Variants in PRELID2 observed in about 807,000 individuals in gnomAD.
The protein encoded by PRELID2 is PRELI domain containing 2.
In PRELID2, 25 loss-of-function variants were observed where a neutral mutation model predicts 28.4. The ratio of observed to expected loss-of-function variants is 0.88; its 90% CI spans 0.64 to 1.23. The LOEUF (loss-of-function observed/expected upper bound fraction) is 1.23. Ranked by LOEUF, PRELID2 falls within the 50% of genes most tolerant of loss-of-function variation. PRELID2 has a pLI of 0.00. For missense variants in PRELID2, 201 were observed against 214.4 expected, an observed-to-expected ratio of 0.94 and a Z score of 0.39; for synonymous variants, 76 against 71.6, an observed-to-expected ratio of 1.06 and a Z score of -0.31.
intron 4 of PRELID2, among the ~76,000 whole-genome samples, chr5:145,817,202 A>AT (rs1561643627): frequency 5.3e-4 from 27 of 51,386 alleles, no homozygotes; most frequent in Non-Finnish European, 1.1e-3. Flanking sequence ...AAAAAAAATA[A>AT]ATAAATAAAT....
At chr5:145,473,504 G>C (rs1314849792) in intron 1 of PRELID2, among the ~76,000 whole-genome samples, 2 of 152,142 alleles carry the variant, frequency 1.3e-5, no homozygotes, top group Middle Eastern at 3.2e-3. Flanking sequence ...TCACAGATGT[G>C]TAGAGTGAAT....
At chr5:145,311,668 ATT>A in the PRELID2 span, among the ~76,000 whole-genome samples, 1 of 152,160 alleles carries the variant, frequency 6.6e-6, no homozygotes, top group Non-Finnish European at 1.5e-5. Context: ...ACAGTACTAT[ATT>A]TAAAGTTAAA....
At chr5:145,819,815 C>A in intron 3 of PRELID2, 130 bp downstream of exon 3, 1 of 700,436 alleles carries the variant, frequency 1.4e-6, no homozygotes, top group South Asian at 1.7e-5. Context: ...CTTTCTTCCT[C>A]AGAAGGTTCT....
At chr5:145,590,882 A>G (rs982866830) in intron 1 of PRELID2, among the ~76,000 whole-genome samples, 4 of 152,216 alleles carry the variant, frequency 2.6e-5, no homozygotes, top group Non-Finnish European at 1.5e-5. Flanking sequence ...GACACTGTCT[A>G]GACTCATGGG....
chr5:145,796,062 A>T (rs1010276594), intron 5 of PRELID2: 14 of 155,564 alleles, frequency 9.0e-5, no homozygotes, highest in African/African-American at 3.4e-4. Flanking sequence ...AGTTAATAAT[A>T]CAAATTCTTT....
the PRELID2 span, among the ~76,000 whole-genome samples, chr5:145,453,207 G>T: frequency 1.3e-5 from 2 of 151,994 alleles, no homozygotes; most frequent in Non-Finnish European, 2.9e-5. Flanking sequence ...CTTATATTTT[G>T]CCACATAAAA....
At chr5:145,508,794 C>T (rs1353480481) in intron 1 of PRELID2, among the ~76,000 whole-genome samples, 2 of 152,220 alleles carry the variant, frequency 1.3e-5, no homozygotes. Flanking sequence ...TGCAGGAAGT[C>T]GCTGGCTTGA....
chr5:145,743,052 T>G (rs1756879400), intron 1 of PRELID2, among the ~76,000 whole-genome samples: 1 of 151,862 alleles, frequency 6.6e-6, no homozygotes, highest in African/African-American at 2.4e-5. Context: ...TTTCAAGTAT[T>G]AAGAAAATTA....
chr5:145,538,586 T>C (rs56989082), intron 1 of PRELID2, among the ~76,000 whole-genome samples: 1,556 of 152,102 alleles, frequency 0.01, 30 homozygotes, highest in African/African-American at 0.035. Context: ...ATTCTGCTAC[T>C]AAAATATCTA....
At chr5:145,554,796 G>A (rs1030792780) in intron 1 of PRELID2, among the ~76,000 whole-genome samples, 1 of 152,190 alleles carries the variant, frequency 6.6e-6, no homozygotes, top group East Asian at 1.9e-4. Context: ...CTCAGGACAA[G>A]TAGCAGTGAT....
chr5:145,231,558 A>C, the PRELID2 span, among the ~76,000 whole-genome samples: 4 of 152,224 alleles, frequency 2.6e-5, no homozygotes, highest in Non-Finnish European at 4.4e-5. Context: ...TAAATAAATA[A>C]TAGGATTAAA....
intron 1 of PRELID2, among the ~76,000 whole-genome samples, chr5:145,562,235 T>C (rs967990540): frequency 2.0e-5 from 3 of 152,340 alleles, no homozygotes; most frequent in African/African-American, 7.2e-5. Context: ...GAAATATACA[T>C]TGGGCTTTCA....
chr5:145,308,217 A>G, the PRELID2 span, among the ~76,000 whole-genome samples: 1 of 152,198 alleles, frequency 6.6e-6, no homozygotes, highest in Non-Finnish European at 1.5e-5. Context: ...AATGCCCAGC[A>G]GTCCCAGGAT....
the PRELID2 span, among the ~76,000 whole-genome samples, chr5:145,430,439 C>A: frequency 1.3e-5 from 2 of 152,118 alleles, no homozygotes; most frequent in Non-Finnish European, 2.9e-5. Context: ...CTGAGGCAAG[C>A]GGCACCTTCA....
chr5:145,237,157 C>A, the PRELID2 span, among the ~76,000 whole-genome samples: 2 of 152,140 alleles, frequency 1.3e-5, no homozygotes, highest in East Asian at 3.9e-4. Flanking sequence ...TCCTGCCATG[C>A]AGCAATGAGG....
chr5:145,416,393 C>T, the PRELID2 span, among the ~76,000 whole-genome samples: 70 of 151,992 alleles, frequency 4.6e-4, no homozygotes, highest in Non-Finnish European at 7.7e-4. Context: ...AAAGCAATGG[C>T]AACAAAAGAC....
intron 1 of PRELID2, among the ~76,000 whole-genome samples, chr5:145,702,456 T>C (rs1487467381): frequency 6.6e-6 from 1 of 152,220 alleles, no homozygotes; most frequent in Non-Finnish European, 1.5e-5. Context: ...GGATCCCTCC[T>C]TGGGGAAATC....
chr5:145,408,163 T>C, the PRELID2 span, among the ~76,000 whole-genome samples: 178 of 152,028 alleles, frequency 1.2e-3, no homozygotes, highest in African/African-American at 4.0e-3. Context: ...GCCCTTGAGG[T>C]TTAGATCTTT....
At chr5:145,584,736 C>T (rs1039821316) in intron 1 of PRELID2, among the ~76,000 whole-genome samples, 2 of 152,092 alleles carry the variant, frequency 1.3e-5, no homozygotes, top group Non-Finnish European at 2.9e-5. Context: ...CAATGAGATA[C>T]CATCTCCCAC....
Sources: allele counts gnomAD v4.1 joint callset (sites outside exome capture counted in the v4.1 genomes callset), GRCh38; gene constraint gnomAD v4.1.1; transcripts MANE v1.5; gene names NCBI Gene and HGNC (gene_info 2026-07-23, HGNC 2026-07-21).